Variants in CAST observed in about 807,000 individuals in gnomAD.
The protein encoded by CAST is calpastatin, also known as MIR583 host.
A neutral mutation model predicts 119.6 loss-of-function variants in CAST; 76 were observed. The observed-to-expected ratio is 0.64, with a 90% confidence interval of 0.53 to 0.77. The LOEUF is 0.77. Among genes scored for constraint, CAST ranks in the 30% least tolerant of loss-of-function variants. The pLI is 0.00. For missense variants in CAST, 953 were observed against 946.5 expected, an observed-to-expected ratio of 1.01 and a Z score of -0.09; for synonymous variants, 319 against 331.6, an observed-to-expected ratio of 0.96 and a Z score of 0.41.
the CAST span, among the ~76,000 whole-genome samples, chr5:96,319,332 G>A: frequency 6.6e-6 from 1 of 152,038 alleles, no homozygotes; most frequent in Non-Finnish European, 1.5e-5. Context: ...GACTGGGAGG[G>A]GATGCACATC....
the CAST span, among the ~76,000 whole-genome samples, chr5:96,335,300 T>A: frequency 6.6e-6 from 1 of 152,226 alleles, no homozygotes; most frequent in Non-Finnish European, 1.5e-5. Flanking sequence ...GGCTTCTGCT[T>A]TTGGTAAGGC....
At chr5:96,461,633 C>G in the CAST span, among the ~76,000 whole-genome samples, 2 of 151,938 alleles carry the variant, frequency 1.3e-5, no homozygotes, top group African/African-American at 4.8e-5. Context: ...GCCTGGGTCT[C>G]TCATTTTGTT....
chr5:96,602,396 G>A lies in CAST; in HGVS notation c.60+72516G>A, dbSNP rs1747172039. On this transcript the variant is annotated intron_variant, in intron 1 of 11. Coordinates refer to the CAST transcript ENST00000505143. ...TGCCCTCATAAAGCTTACATTCTGTGGAGGAACACAGCAAATAAACATGAT... is the reference window on the plus strand; with the variant it reads ...TGCCCTCATAAAGCTTACATTCTGTAGAGGAACACAGCAAATAAACATGAT... Among the ~76,000 whole-genome samples the A allele has an allele frequency of 1.3e-5, 2 of 152,172 alleles. 1 individual carries two copies. Among genetic ancestry groups the A allele is most frequent in the South Asian group, 4.1e-4 (2 of 4,832 alleles).
the CAST span, among the ~76,000 whole-genome samples, chr5:96,361,003 G>A: frequency 6.6e-6 from 1 of 152,236 alleles, no homozygotes; most frequent in African/African-American, 2.4e-5. Context: ...GACTGGGATT[G>A]CTGCCTTTTT....
At chr5:96,607,220 G>A (rs112987487) in intron 1 of CAST, among the ~76,000 whole-genome samples, 13,370 of 152,116 alleles carry the variant, frequency 0.088, 695 homozygotes, top group African/African-American at 0.15. Context: ...CCCTGAAGGC[G>A]GAGCTTGCAG....
chr5:96,021,942 T>C, the CAST span, among the ~76,000 whole-genome samples: 2 of 152,196 alleles, frequency 1.3e-5, no homozygotes, highest in Non-Finnish European at 2.9e-5. Context: ...CAAGGGTGGA[T>C]TGAAGATATT....
chr5:96,599,069 G>A lies in CAST; in HGVS notation c.60+69189G>A, dbSNP rs116363122. On this transcript the variant is annotated intron_variant, in intron 1 of 11. Transcript: ENST00000505143. ...CTCCATAATCACATGAACCAATTCC[G>A]TAGCATGGATACATACTCATTCTGT... Among the ~76,000 whole-genome samples the A allele has an allele frequency of 3.6e-3, 550 of 152,298 alleles. 6 individuals carry two copies. Among genetic ancestry groups the A allele is most frequent in the African/African-American group, 0.013 (525 of 41,564 alleles).
chr5:96,616,738 C>A (rs1257177461), intron 1 of CAST, among the ~76,000 whole-genome samples: 19 of 109,858 alleles, frequency 1.7e-4, no homozygotes, highest in African/African-American at 5.9e-4. Flanking sequence ...CGCTCTCTCT[C>A]TCTCTCTATA....
the CAST span, among the ~76,000 whole-genome samples, chr5:96,450,196 A>G: frequency 3.9e-5 from 6 of 152,214 alleles, no homozygotes; most frequent in South Asian, 2.1e-4. Flanking sequence ...TAAAAATGTG[A>G]TATCTATCTA....
At chr5:96,750,231 GCTAA>G (rs1764705261) in intron 19 of CAST, among the ~76,000 whole-genome samples, 2 of 152,118 alleles carry the variant, frequency 1.3e-5, no homozygotes, top group Admixed American at 6.6e-5. Context: ...AATGTATTGA[GCTAA>G]CTGTGTTCCC....
the CAST span, among the ~76,000 whole-genome samples, chr5:96,094,085 G>C: frequency 1.3e-5 from 2 of 152,186 alleles, no homozygotes; most frequent in African/African-American, 4.8e-5. Flanking sequence ...TGCACCTACT[G>C]TCTGATTATT....
the CAST span, among the ~76,000 whole-genome samples, chr5:96,157,429 G>A: frequency 6.6e-6 from 1 of 152,200 alleles, no homozygotes; most frequent in African/African-American, 2.4e-5. Flanking sequence ...CAGATGTTGT[G>A]GATTTGGAAA....
chr5:96,653,443 G>A (rs1271304548), intron 1 of CAST, among the ~76,000 whole-genome samples: 2 of 152,246 alleles, frequency 1.3e-5, no homozygotes, highest in Admixed American at 6.5e-5. Context: ...AGGAAGTGTA[G>A]TTAGTAGACC....
the CAST span, among the ~76,000 whole-genome samples, chr5:96,021,453 C>CT: frequency 2.2e-4 from 32 of 148,688 alleles, no homozygotes; most frequent in Non-Finnish European, 3.0e-4. Context: ...TCAGCATTTT[C>CT]TTTTTTTTTT....
chr5:96,298,528 G>A, the CAST span, among the ~76,000 whole-genome samples: 2 of 152,182 alleles, frequency 1.3e-5, no homozygotes, highest in African/African-American at 2.4e-5. Flanking sequence ...GTCCAAATAA[G>A]TTATTAAAAG....
chr5:96,690,002 A>G (rs1242142788), intron 2 of CAST, among the ~76,000 whole-genome samples: 1 of 152,172 alleles, frequency 6.6e-6, no homozygotes, highest in Non-Finnish European at 1.5e-5. Flanking sequence ...GCAGAGGCAG[A>G]GCCCTAGAAT....
At chr5:96,652,704 AT>A (rs1484815072) in intron 1 of CAST, among the ~76,000 whole-genome samples, 1 of 152,210 alleles carries the variant, frequency 6.6e-6, no homozygotes, top group Non-Finnish European at 1.5e-5. Context: ...TTATTTGCAC[AT>A]GGGATCATCT....
the CAST span, among the ~76,000 whole-genome samples, chr5:96,456,948 G>A: frequency 1.3e-5 from 2 of 152,166 alleles, no homozygotes; most frequent in African/African-American, 2.4e-5. Flanking sequence ...GAAGAAGTAT[G>A]TGTTTGCTTC....
At chr5:96,543,716 G>T (rs754826098) in intron 1 of CAST, among the ~76,000 whole-genome samples, 1 of 151,946 alleles carries the variant, frequency 6.6e-6, no homozygotes, top group Non-Finnish European at 1.5e-5. Flanking sequence ...GAAGTTTAAT[G>T]GTTTTAATTT....
Sources: allele counts gnomAD v4.1 joint callset (sites outside exome capture counted in the v4.1 genomes callset), GRCh38; gene constraint gnomAD v4.1.1; transcripts MANE v1.5; gene names NCBI Gene and HGNC (gene_info 2026-07-23, HGNC 2026-07-21).